Variants in TMEM266 observed in about 807,000 individuals in gnomAD.
TMEM266 encodes the protein Hv1 related protein 1.
A neutral mutation model predicts 50.5 loss-of-function variants in TMEM266; 33 were observed. The ratio of observed to expected loss-of-function variants is 0.65; its 90% CI spans 0.50 to 0.87. The LOEUF (loss-of-function observed/expected upper bound fraction) is 0.87. Ranked by LOEUF, TMEM266 falls within the 40% of genes least tolerant of loss-of-function variation. The pLI is 0.00. For synonymous variants in TMEM266, 310 were observed against 292.3 expected (o/e 1.06, Z -0.62); for missense variants, 655 against 695.1 (o/e 0.94, Z 0.65).
At chr15:76,150,591 C>T (rs2037824379) in intron 3 of TMEM266, among the ~76,000 whole-genome samples, 3 of 152,226 alleles carry the variant, frequency 2.0e-5, no homozygotes, top group African/African-American at 4.8e-5. Flanking sequence ...TCTGCCACCA[C>T]GTGTCCTCCC....
intron 8 of TMEM266, among the ~76,000 whole-genome samples, chr15:76,182,786 A>G (rs1479731196): frequency 3.3e-5 from 5 of 152,330 alleles, no homozygotes; most frequent in Admixed American, 6.5e-5. Flanking sequence ...TAATCCCTTC[A>G]CATGGAAAGA....
chr15:76,064,206 A>G (rs1256429589), intron 1 of TMEM266, among the ~76,000 whole-genome samples: 18 of 152,244 alleles, frequency 1.2e-4, no homozygotes, highest in Non-Finnish European at 1.9e-4. Context: ...TTACACAGAC[A>G]GGTGAATCCT....
intron 1 of TMEM266, among the ~76,000 whole-genome samples, chr15:76,098,180 A>G (rs2036949747): frequency 6.6e-6 from 1 of 152,020 alleles, no homozygotes. Context: ...GAGAAGAGGC[A>G]TTTTGGTTTT....
intron 3 of TMEM266, among the ~76,000 whole-genome samples, chr15:76,144,032 T>C (rs1329636360): frequency 1.3e-5 from 2 of 152,188 alleles, no homozygotes; most frequent in African/African-American, 4.8e-5. Flanking sequence ...GGAGAAATGT[T>C]CTTGTCTGAC....
intron 3 of TMEM266, among the ~76,000 whole-genome samples, chr15:76,141,786 G>C (rs923363287): frequency 6.6e-6 from 1 of 152,152 alleles, no homozygotes; most frequent in Non-Finnish European, 1.5e-5. Context: ...TCGACTTTCT[G>C]TCCCTTTGAA....
At chr15:76,087,371 G>A (rs2141995807) in intron 1 of TMEM266, among the ~76,000 whole-genome samples, 1 of 152,254 alleles carries the variant, frequency 6.6e-6, no homozygotes, top group Middle Eastern at 3.4e-3. Flanking sequence ...TTAGAGAAGA[G>A]GAAAGAGTTA....
chr15:76,067,996 G>C (rs1457216698), intron 1 of TMEM266, among the ~76,000 whole-genome samples: 1 of 152,196 alleles, frequency 6.6e-6, no homozygotes, highest in East Asian at 1.9e-4. Context: ...GCATAAAGTA[G>C]GACTGACAAG....
At chr15:76,066,614 G>T (rs547643905) in intron 1 of TMEM266, among the ~76,000 whole-genome samples, 32 of 148,948 alleles carry the variant, frequency 2.1e-4, no homozygotes, top group African/African-American at 7.9e-4. Context: ...GAAGTTGGAT[G>T]AAAATCAAAG....
intron 4 of TMEM266, among the ~76,000 whole-genome samples, chr15:76,159,146 GTATCCCACCA>G (rs1449878454): frequency 6.6e-6 from 1 of 152,168 alleles, no homozygotes; most frequent in South Asian, 2.1e-4. Context: ...GTATCCCAGG[GTATCCCACCA>G]GTATTTCTTT....
At chr15:76,184,577 T>C (rs1596161957) in intron 8 of TMEM266, among the ~76,000 whole-genome samples, 1 of 152,372 alleles carries the variant, frequency 6.6e-6, no homozygotes, top group East Asian at 1.9e-4. Flanking sequence ...CAGACAGCAC[T>C]AATAGGATGG....
At chr15:76,071,114 A>G (rs759874929) in intron 1 of TMEM266, among the ~76,000 whole-genome samples, 4 of 152,182 alleles carry the variant, frequency 2.6e-5, no homozygotes, top group African/African-American at 4.8e-5. Context: ...TCCTTTCTGC[A>G]GAAGTTCCTG....
chr15:76,152,370 C>A (rs559745899), intron 3 of TMEM266, among the ~76,000 whole-genome samples: 1 of 152,328 alleles, frequency 6.6e-6, no homozygotes, highest in African/African-American at 2.4e-5. Context: ...AATGAAAGGA[C>A]AGGCCCAGAG....
chr15:76,159,446 G>T (rs1001060564), intron 4 of TMEM266, among the ~76,000 whole-genome samples: 2 of 152,160 alleles, frequency 1.3e-5, no homozygotes, highest in African/African-American at 4.8e-5. Flanking sequence ...ACCTGGGGGC[G>T]AGTAGGGCAA....
intron 3 of TMEM266, among the ~76,000 whole-genome samples, chr15:76,151,387 C>T (rs1043544365): frequency 3.3e-5 from 5 of 152,128 alleles, no homozygotes; most frequent in African/African-American, 1.2e-4. Flanking sequence ...ATTTTATTGG[C>T]AGCTTGGGAT....
chr15:76,203,677 C>T lies in TMEM266; in HGVS notation c.1022-64C>T. ...GCCCACCGCCCGGCTCAGACCTGCTCTCTTCAGGGCCCCCAGGTGTGGCAG... is the reference window on the plus strand; with the variant it reads ...GCCCACCGCCCGGCTCAGACCTGCTTTCTTCAGGGCCCCCAGGTGTGGCAG... On this transcript the variant is annotated intron_variant, in intron 10 of 10. Transcript: ENST00000388942. 7.3e-6 allele frequency: 11 copies of T among 1,502,446 alleles called. No homozygotes were observed. In the South Asian group the frequency reaches 7.4e-5, roughly 10 times the overall value. The allele number at this position is 1,502,446 out of a possible 1,614,324, so 93.1% of individuals were successfully genotyped here. A position where few individuals can be genotyped will look rare whatever the true frequency, so the allele number is the denominator to read the frequency against.
chr15:76,203,235 C>T (rs1235736174), intron 10 of TMEM266, among the ~76,000 whole-genome samples: 1 of 152,076 alleles, frequency 6.6e-6, no homozygotes, highest in East Asian at 1.9e-4. Context: ...AAGTTCCCTG[C>T]CCTGGCACAC....
At chr15:76,191,882 T>C (rs1429330932) in intron 8 of TMEM266, 86 bp from the exon 9 acceptor site, 2 of 1,126,218 alleles carry the variant, frequency 1.8e-6, no homozygotes, top group East Asian at 3.1e-5. Flanking sequence ...CCCGCCCCCA[T>C]GCAGGAGCAA....
At chr15:76,110,073 C>T (rs2037146003) in intron 1 of TMEM266, among the ~76,000 whole-genome samples, 2 of 152,070 alleles carry the variant, frequency 1.3e-5, no homozygotes, top group African/African-American at 2.4e-5. Flanking sequence ...GATCTCAGCT[C>T]ACTGCAATCT....
At chr15:76,191,745 A>C (rs1051134984) in intron 8 of TMEM266, 1 of 490,538 alleles carries the variant, frequency 2.0e-6, no homozygotes, top group Non-Finnish European at 3.6e-6. Flanking sequence ...ACTGCAAGGC[A>C]CCTGAGACGC....
Sources: allele counts gnomAD v4.1 joint callset (sites outside exome capture counted in the v4.1 genomes callset), GRCh38; gene constraint gnomAD v4.1.1; transcripts MANE v1.5; gene names NCBI Gene and HGNC (gene_info 2026-07-23, HGNC 2026-07-21).